PABPC4L: variants seen among roughly 807,000 people sequenced by gnomAD.
The protein encoded by PABPC4L is polyadenylate-binding protein 4-like.
For synonymous variants in PABPC4L, 169 were observed against 164.1 expected, an observed-to-expected ratio of 1.03 and a Z score of -0.23; for missense variants, 452 against 451.4, an observed-to-expected ratio of 1.00 and a Z score of -0.01.
chr4:134,080,400 T>C, the PABPC4L span, among the ~76,000 whole-genome samples: 1 of 152,206 alleles, frequency 6.6e-6, no homozygotes. Context: ...CATTGATTTT[T>C]ACTTCTGTTC....
At chr4:134,142,467 G>C in the PABPC4L span, among the ~76,000 whole-genome samples, 1 of 151,320 alleles carries the variant, frequency 6.6e-6, no homozygotes, top group South Asian at 2.1e-4. Flanking sequence ...AGTGACAAAT[G>C]TATCCGATGC....
the PABPC4L span, among the ~76,000 whole-genome samples, chr4:134,070,763 G>A: frequency 1.3e-3 from 197 of 152,236 alleles, no homozygotes; most frequent in African/African-American, 4.3e-3. Context: ...GCTACCATGA[G>A]GGCCCCAGGG....
At chr4:134,089,487 C>T in the PABPC4L span, among the ~76,000 whole-genome samples, 1 of 152,048 alleles carries the variant, frequency 6.6e-6, no homozygotes, top group African/African-American at 2.4e-5. Flanking sequence ...CACTTAGCTA[C>T]CATTATAATA....
At chr4:134,068,209 T>C in the PABPC4L span, among the ~76,000 whole-genome samples, 3 of 152,218 alleles carry the variant, frequency 2.0e-5, no homozygotes, top group African/African-American at 7.2e-5. Context: ...TGCTCCTATA[T>C]GCTGGGTGCA....
the PABPC4L span, among the ~76,000 whole-genome samples, chr4:134,039,421 G>A: frequency 2.6e-5 from 4 of 151,874 alleles, no homozygotes; most frequent in Admixed American, 6.6e-5. Flanking sequence ...TTGACAGTGG[G>A]GTATTTAACT....
At chr4:134,153,216 A>G in the PABPC4L span, among the ~76,000 whole-genome samples, 1 of 152,080 alleles carries the variant, frequency 6.6e-6, no homozygotes, top group Non-Finnish European at 1.5e-5. Context: ...TGTCTTTCAT[A>G]TTGAGTATAA....
chr4:134,082,803 C>T, the PABPC4L span, among the ~76,000 whole-genome samples: 1 of 151,704 alleles, frequency 6.6e-6, no homozygotes, highest in African/African-American at 2.4e-5. Context: ...TAAGATCCTA[C>T]TGAAAAAAAA....
downstream of PABPC4L, among the ~76,000 whole-genome samples, chr4:134,194,309 G>GT (rs891531069): frequency 2.0e-5 from 3 of 151,774 alleles, no homozygotes; most frequent in Non-Finnish European, 4.4e-5. Flanking sequence ...ACTGAGAATA[G>GT]TTTATCTATA....
At chr4:134,189,348 C>A in the PABPC4L span, among the ~76,000 whole-genome samples, 1 of 151,436 alleles carries the variant, frequency 6.6e-6, no homozygotes, top group South Asian at 2.1e-4. Flanking sequence ...GTATATTTCA[C>A]AGCTTTGTTG....
the PABPC4L span, among the ~76,000 whole-genome samples, chr4:134,084,088 G>C: frequency 6.6e-6 from 1 of 152,080 alleles, no homozygotes; most frequent in East Asian, 1.9e-4. Flanking sequence ...TTGCTCTGCT[G>C]TCCAGGCTAC....
At chr4:134,185,644 T>C in the PABPC4L span, among the ~76,000 whole-genome samples, 2 of 152,120 alleles carry the variant, frequency 1.3e-5, no homozygotes, top group African/African-American at 2.4e-5. Context: ...AGATGCCCTC[T>C]CTCACCACTC....
the PABPC4L span, among the ~76,000 whole-genome samples, chr4:134,159,455 C>T: frequency 1.3e-5 from 2 of 152,076 alleles, no homozygotes; most frequent in Non-Finnish European, 2.9e-5. Context: ...CCCTCAAGCC[C>T]AGACAGCACA....
At chr4:134,014,198 TAAATA>T in the PABPC4L span, among the ~76,000 whole-genome samples, 1 of 152,060 alleles carries the variant, frequency 6.6e-6, no homozygotes, top group Non-Finnish European at 1.5e-5. Flanking sequence ...CTCCCGACAT[TAAATA>T]AAACTCCAAA....
the PABPC4L span, among the ~76,000 whole-genome samples, chr4:134,151,455 G>A: frequency 1.1e-4 from 16 of 152,022 alleles, 1 homozygote; most frequent in South Asian, 8.3e-4. Flanking sequence ...GAATAGAATC[G>A]AGAGGTGTGG....
chr4:134,184,513 T>C, the PABPC4L span, among the ~76,000 whole-genome samples: 9 of 152,058 alleles, frequency 5.9e-5, no homozygotes, highest in African/African-American at 2.2e-4. Flanking sequence ...CATTTCAGAT[T>C]GGCTTCTTTC....
chr4:133,951,959 A>G, the PABPC4L span, among the ~76,000 whole-genome samples: 1 of 152,120 alleles, frequency 6.6e-6, no homozygotes, highest in Non-Finnish European at 1.5e-5. Flanking sequence ...TTCTGAGTTT[A>G]TTCTCCACTT....
At chr4:133,985,240 A>G in the PABPC4L span, among the ~76,000 whole-genome samples, 1 of 151,980 alleles carries the variant, frequency 6.6e-6, no homozygotes, top group Non-Finnish European at 1.5e-5. Context: ...TATCACAACT[A>G]TAGGTTCCAC....
At chr4:134,068,922 C>T in the PABPC4L span, among the ~76,000 whole-genome samples, 1 of 152,012 alleles carries the variant, frequency 6.6e-6, no homozygotes, top group East Asian at 1.9e-4. Flanking sequence ...TTTGGCCAGG[C>T]TGGTCTCGAA....
the PABPC4L span, among the ~76,000 whole-genome samples, chr4:134,003,795 G>T: frequency 2.1e-4 from 32 of 151,946 alleles, no homozygotes; most frequent in Admixed American, 6.6e-4. Context: ...GAAGCAAAAC[G>T]CATGCAGAGA....
Sources: allele counts gnomAD v4.1 joint callset (sites outside exome capture counted in the v4.1 genomes callset), GRCh38; gene constraint gnomAD v4.1.1; transcripts MANE v1.5; gene names NCBI Gene and HGNC (gene_info 2026-07-23, HGNC 2026-07-21).